ADIPOR2: variants seen among roughly 807,000 people sequenced by gnomAD.
The protein encoded by ADIPOR2 is adiponectin receptor protein 2.
In ADIPOR2, 18 loss-of-function variants were observed where a neutral mutation model predicts 40.9. The ratio of observed to expected loss-of-function variants is 0.44; its 90% CI spans 0.30 to 0.65. ADIPOR2 has a LOEUF of 0.65. Among genes scored for constraint, ADIPOR2 ranks in the 30% least tolerant of loss-of-function variants. ADIPOR2 has a pLI of 0.09. For synonymous variants in ADIPOR2, 165 were observed against 166.4 expected, an observed-to-expected ratio of 0.99 and a Z score of 0.06; for missense variants, 283 against 479.2, an observed-to-expected ratio of 0.59 and a Z score of 3.82.
chr12:1,752,911 A>G lies in ADIPOR2; in HGVS notation c.-86-1347A>G, dbSNP rs189828058. Among the ~76,000 whole-genome samples the G allele has an allele frequency of 2.8e-4, 42 of 152,328 alleles. No homozygotes were observed. In the East Asian group the frequency reaches 6.0e-3, roughly 22 times the overall value. On this transcript the variant is annotated intron_variant, in intron 1 of 7. Transcript: ENST00000357103. ...ATTAATAACATAATTTATAATCTCA[A>G]TAGTATCATGTGCTTGGCCCAGGTA...
chr12:1,738,900 CA>C, intron 1 of ADIPOR2, among the ~76,000 whole-genome samples: 1 of 152,052 alleles, frequency 6.6e-6, no homozygotes, highest in Non-Finnish European at 1.5e-5. Context: ...GCATTAATAA[CA>C]ACAAAAAGTC....
At chr12:1,706,243 C>G (rs765085692) in intron 1 of ADIPOR2, among the ~76,000 whole-genome samples, 38 of 152,136 alleles carry the variant, frequency 2.5e-4, no homozygotes, top group Non-Finnish European at 5.4e-4. Flanking sequence ...ATAATGTTAC[C>G]TATGTAACAG....
chr12:1,742,371 G>A (rs1565645119), intron 1 of ADIPOR2, among the ~76,000 whole-genome samples: 1 of 152,214 alleles, frequency 6.6e-6, no homozygotes, highest in African/African-American at 2.4e-5. Context: ...GGGATTACAG[G>A]CGTGAGCCAC....
chr12:1,720,445 T>C (rs1194483193), intron 1 of ADIPOR2, among the ~76,000 whole-genome samples: 1 of 152,234 alleles, frequency 6.6e-6, no homozygotes, highest in African/African-American at 2.4e-5. Flanking sequence ...GAAATAATTA[T>C]ATAACTCACC....
chr12:1,753,500 T>G (rs1311513586), intron 1 of ADIPOR2, among the ~76,000 whole-genome samples: 1 of 152,262 alleles, frequency 6.6e-6, no homozygotes, highest in Non-Finnish European at 1.5e-5. Flanking sequence ...CAGATGGATG[T>G]AAAACGTGTA....
At chr12:1,701,084 TTTCTTCCCAGAA>T (rs1404724763) in intron 1 of ADIPOR2, among the ~76,000 whole-genome samples, 12 of 152,056 alleles carry the variant, frequency 7.9e-5, no homozygotes, top group Non-Finnish European at 1.5e-4. Flanking sequence ...TACAGTTTAC[TTTCTTCCCAGAA>T]GTTAACTATT....
chr12:1,785,268 A>T (rs1433837965), intron 7 of ADIPOR2, among the ~76,000 whole-genome samples: 3 of 152,254 alleles, frequency 2.0e-5, no homozygotes, highest in African/African-American at 7.2e-5. Context: ...ATAGCATTCA[A>T]CAGAACAGGT....
intron 1 of ADIPOR2, among the ~76,000 whole-genome samples, chr12:1,703,335 A>G (rs1023970950): frequency 2.0e-5 from 3 of 152,240 alleles, no homozygotes; most frequent in African/African-American, 4.8e-5. Flanking sequence ...CTATATATGC[A>G]TATAGAAGGG....
chr12:1,776,682 G>T (rs1035268631), intron 3 of ADIPOR2, among the ~76,000 whole-genome samples: 4 of 152,164 alleles, frequency 2.6e-5, no homozygotes, highest in Non-Finnish European at 5.9e-5. Flanking sequence ...ATGCGGGAGG[G>T]ACCATGAGGA....
At chr12:1,733,542 T>A (rs1307377886) in intron 1 of ADIPOR2, among the ~76,000 whole-genome samples, 4 of 152,160 alleles carry the variant, frequency 2.6e-5, no homozygotes, top group African/African-American at 9.7e-5. Flanking sequence ...TTTTAAAAGG[T>A]ATCTTTTGAA....
intron 1 of ADIPOR2, among the ~76,000 whole-genome samples, chr12:1,739,691 A>T (rs2094738457): frequency 6.6e-6 from 1 of 152,226 alleles, no homozygotes; most frequent in South Asian, 2.1e-4. Flanking sequence ...AATATTTATA[A>T]TCTGGCCTTT....
chr12:1,764,558 A>AACACACACAC (rs59660682), intron 2 of ADIPOR2, among the ~76,000 whole-genome samples: 49 of 119,084 alleles, frequency 4.1e-4, no homozygotes, highest in African/African-American at 1.5e-3. Flanking sequence ...TAAAGTATTA[A>AACACACACAC]ACACACACAC....
At chr12:1,691,580 G>A (rs1429178374) in intron 1 of ADIPOR2, among the ~76,000 whole-genome samples, 1 of 152,198 alleles carries the variant, frequency 6.6e-6, no homozygotes, top group East Asian at 1.9e-4. Context: ...TTCGTCTCTT[G>A]TCTGTTTTTA....
chr12:1,783,654 C>T (rs1175166564), intron 6 of ADIPOR2, among the ~76,000 whole-genome samples: 1 of 152,160 alleles, frequency 6.6e-6, no homozygotes, highest in Non-Finnish European at 1.5e-5. Flanking sequence ...CCACTGCACC[C>T]GGCTGGCTCC....
chr12:1,781,217 G>A, intron 6 of ADIPOR2, 141 bp downstream of exon 6: 1 of 964,092 alleles, frequency 1.0e-6, no homozygotes, highest in African/African-American at 1.7e-5. Context: ...TCCTATTGTT[G>A]GGGGTTTTTT....
chr12:1,753,935 G>A (rs1207182930), intron 1 of ADIPOR2, among the ~76,000 whole-genome samples: 1 of 151,928 alleles, frequency 6.6e-6, no homozygotes, highest in East Asian at 1.9e-4. Flanking sequence ...TCAGACCCGA[G>A]GTTCTTCCAT....
chr12:1,724,091 C>T (rs577636463), intron 1 of ADIPOR2, among the ~76,000 whole-genome samples: 1 of 151,930 alleles, frequency 6.6e-6, no homozygotes, highest in Non-Finnish European at 1.5e-5. Flanking sequence ...AAGCGATTCT[C>T]CTGCCTCAGC....
chr12:1,722,370 G>A (rs534894995), intron 1 of ADIPOR2, among the ~76,000 whole-genome samples: 66 of 152,270 alleles, frequency 4.3e-4, no homozygotes, highest in African/African-American at 1.3e-3. Flanking sequence ...TAAGTTTGAG[G>A]TGCCAATTAG....
intron 1 of ADIPOR2, among the ~76,000 whole-genome samples, chr12:1,698,564 A>G (rs1026508595): frequency 6.6e-5 from 10 of 152,134 alleles, no homozygotes; most frequent in African/African-American, 2.4e-4. Flanking sequence ...GGCTTACTTT[A>G]CATCTGCATC....
Sources: allele counts gnomAD v4.1 joint callset (sites outside exome capture counted in the v4.1 genomes callset), GRCh38; gene constraint gnomAD v4.1.1; transcripts MANE v1.5; gene names NCBI Gene and HGNC (gene_info 2026-07-23, HGNC 2026-07-21).